The following AKAP13 variants were observed in gnomAD, a reference collection of about 807,000 sequenced individuals.
The protein encoded by AKAP13 is A-kinase anchor protein 13.
A neutral mutation model predicts 264.5 loss-of-function variants in AKAP13; 80 were observed. The ratio of observed to expected loss-of-function variants is 0.30; its 90% confidence interval spans 0.25 to 0.36. AKAP13 has a LOEUF of 0.36. Among genes scored for constraint, AKAP13 ranks in the 10% least tolerant of loss-of-function variants. The pLI, the probability that AKAP13 is intolerant of heterozygous loss-of-function variation, is 1.00. For missense variants in AKAP13, 3,712 were observed against 3,435.2 expected, an observed-to-expected ratio of 1.08 and a Z score of -2.01; for synonymous variants, 1,380 against 1,250.2, an observed-to-expected ratio of 1.10 and a Z score of -2.19.
At chr15:85,630,920 CGTATGCCCAGGA>C in intron 8 of AKAP13, among the ~76,000 whole-genome samples, 1 of 151,968 alleles carries the variant, frequency 6.6e-6, no homozygotes, top group African/African-American at 2.4e-5. Context: ...CAGTCCTAGG[CGTATGCCCAGGA>C]GAATTGAAAA....
chr15:85,626,868 A>T (rs1338063075), intron 8 of AKAP13, among the ~76,000 whole-genome samples: 1 of 152,118 alleles, frequency 6.6e-6, no homozygotes, highest in Non-Finnish European at 1.5e-5. Context: ...TCCCACCAGC[A>T]ATGAACAAGA....
intron 10 of AKAP13, among the ~76,000 whole-genome samples, chr15:85,647,825 G>T (rs1217120327): frequency 6.6e-6 from 1 of 152,126 alleles, no homozygotes; most frequent in Non-Finnish European, 1.5e-5. Context: ...CTACTCGGGA[G>T]GCTGAGGCAG....
chr15:85,467,367 G>A (rs1334568940), intron 1 of AKAP13, among the ~76,000 whole-genome samples: 2 of 151,868 alleles, frequency 1.3e-5, no homozygotes, highest in Admixed American at 6.6e-5. Context: ...CCACCTTTCC[G>A]CTTCACAGCA....
chr15:85,568,888 G>T (rs975058866), intron 5 of AKAP13, among the ~76,000 whole-genome samples: 3 of 152,168 alleles, frequency 2.0e-5, no homozygotes, highest in African/African-American at 7.2e-5. Context: ...AGATTGGGGG[G>T]TAGTGAAGGC....
chr15:85,693,232 C>T, intron 16 of AKAP13, 45 bp from the exon 17 acceptor site: 9 of 1,530,088 alleles, frequency 5.9e-6, no homozygotes, highest in East Asian at 2.4e-5. Context: ...GGAGAAAGCC[C>T]TCCAGTGTTC....
chr15:85,741,697 TAAA>T (rs56782497), intron 35 of AKAP13, among the ~76,000 whole-genome samples: 42 of 106,322 alleles, frequency 4.0e-4, no homozygotes, highest in African/African-American at 1.4e-3. Flanking sequence ...CTGTCTCTCC[TAAA>T]AAAAAAAAAA....
intron 8 of AKAP13, chr15:85,619,521 T>A: frequency 1.0e-6 from 1 of 985,454 alleles, no homozygotes; most frequent in Middle Eastern, 5.2e-4. Flanking sequence ...TACTTTTTTT[T>A]AAGGAAAAGT....
chr15:85,438,278 T>G (rs1462291208), intron 1 of AKAP13, among the ~76,000 whole-genome samples: 2 of 136,352 alleles, frequency 1.5e-5, no homozygotes, highest in Non-Finnish European at 3.1e-5. Flanking sequence ...AAGGACCTCT[T>G]CAAGGAGAAC....
At chr15:85,589,562 C>G (rs1201576982) in intron 8 of AKAP13, among the ~76,000 whole-genome samples, 1 of 150,446 alleles carries the variant, frequency 6.6e-6, no homozygotes, top group African/African-American at 2.4e-5. Flanking sequence ...TCGTGACCAG[C>G]CTGGCTAACA....
At chr15:85,679,807 A>G (rs561565586) in intron 14 of AKAP13, among the ~76,000 whole-genome samples, 26 of 152,278 alleles carry the variant, frequency 1.7e-4, no homozygotes, top group Admixed American at 4.6e-4. Context: ...CTTTAATGAC[A>G]AGTTTCGTTT....
chr15:85,481,746 T>C (rs540288803), intron 1 of AKAP13, among the ~76,000 whole-genome samples: 1 of 152,348 alleles, frequency 6.6e-6, no homozygotes, highest in East Asian at 1.9e-4. Flanking sequence ...CTTCACAGTC[T>C]TTAAATACTA....
In AKAP13 at chr15:85,727,414, G is replaced by A; in HGVS notation, c.7038G>A (p.Glu2346=). The A allele has an allele frequency of 1.2e-6, 2 of 1,614,178 alleles. No homozygotes were observed. Among genetic ancestry groups the A allele is most frequent in the Non-Finnish European group, 1.7e-6 (2 of 1,180,024 alleles). The change falls in exon 29 of 37, where the codon GAG becomes GAA. Residue 2346 remains glutamate, a synonymous_variant. Transcript: ENST00000394518. The surrounding 1 kb of genome is among the most constrained non-coding windows in gnomAD (Gnocchi z 5.3). The part of the protein sequence containing the change: ...NRDEDEGIPS[E]NEEEKKMLDT... ...ATGAAGATGAAGGAATTCCTAGTGA[G>A]AATGAGGAAGAAAAGAAAATGTTGG...
At chr15:85,438,807 A>G (rs1331337812) in intron 1 of AKAP13, among the ~76,000 whole-genome samples, 1 of 152,008 alleles carries the variant, frequency 6.6e-6, no homozygotes, top group Non-Finnish European at 1.5e-5. Context: ...CACCTTATAC[A>G]AAAATCAATT....
At chr15:85,458,266 T>C (rs2074353612) in intron 1 of AKAP13, among the ~76,000 whole-genome samples, 2 of 151,996 alleles carry the variant, frequency 1.3e-5, no homozygotes, top group African/African-American at 2.4e-5. Context: ...CCTTAACTTA[T>C]GGAAACTTTA....
intron 5 of AKAP13, among the ~76,000 whole-genome samples, chr15:85,571,929 G>A (rs529310278): frequency 6.6e-6 from 1 of 152,272 alleles, no homozygotes; most frequent in Admixed American, 6.5e-5. Context: ...GACATGAATT[G>A]GGAGATTGAA....
At chr15:85,653,666 T>G (rs1039357168) in intron 10 of AKAP13, among the ~76,000 whole-genome samples, 2 of 152,224 alleles carry the variant, frequency 1.3e-5, no homozygotes, top group African/African-American at 4.8e-5. Flanking sequence ...TTCTCTTTCT[T>G]GAAGAACCAT....
In AKAP13 at chr15:85,735,211, A is replaced by C. The variant is rs2088354708; in HGVS notation, c.7441+61A>C. ...TCCTTGACTATCTCACACAACTCAA[A>C]ATGACTTGTACTTTAGTAGCTACAT... On this transcript the variant is annotated intron_variant, in intron 31 of 36. Coordinates refer to ENST00000394518, the MANE Select transcript of AKAP13 (RefSeq NM_007200.5). 11 of 1,564,872 alleles carry C rather than the reference A, an allele frequency of 7.0e-6. No homozygotes were observed. In the South Asian group the frequency reaches 1.2e-4, roughly 17 times the overall value.
intron 26 of AKAP13, 103 bp from the exon 27 acceptor site, chr15:85,726,307 T>A (rs1338530331): frequency 3.7e-6 from 3 of 819,754 alleles, no homozygotes; most frequent in Non-Finnish European, 6.1e-6. Context: ...CGTATAGGGG[T>A]GTATGTGTTG....
intron 8 of AKAP13, among the ~76,000 whole-genome samples, chr15:85,602,675 A>C (rs931539421): frequency 6.6e-6 from 1 of 151,882 alleles, no homozygotes; most frequent in Admixed American, 6.6e-5. Context: ...TTTTTAGTAG[A>C]GACAGGATTT....
Sources: gnomAD v4.1 joint callset for allele counts (sites outside exome capture counted in the v4.1 genomes callset) on GRCh38, gnomAD v4.1.1 for gene constraint, Gnocchi (gnomAD v3.1) non-coding constraint, MANE v1.5 for transcripts, NCBI Gene and HGNC (gene_info 2026-07-23, HGNC 2026-07-21) for gene names.